The following WDR70 variants were observed in gnomAD, a reference collection of about 807,000 sequenced individuals.
The protein encoded by WDR70 is WD repeat-containing protein 70.
In WDR70, 53 loss-of-function variants were observed where a neutral mutation model predicts 88.6. The observed-to-expected ratio is 0.60, with a 90% CI of 0.48 to 0.75. WDR70 has a LOEUF of 0.75. Among genes scored for constraint, WDR70 ranks in the 30% least tolerant of loss-of-function variants. The pLI is 0.00. For synonymous variants in WDR70, 280 were observed against 270.0 expected (o/e 1.04, Z -0.36); for missense variants, 610 against 823.2 (o/e 0.74, Z 3.17).
chr5:37,546,815 G>A (rs984106897), intron 9 of WDR70, among the ~76,000 whole-genome samples: 76 of 152,208 alleles, frequency 5.0e-4, no homozygotes, highest in African/African-American at 1.8e-3. Context: ...TTCCTCAGGA[G>A]GCTGAGGCAG....
intron 10 of WDR70, among the ~76,000 whole-genome samples, chr5:37,687,131 A>G (rs1746633740): frequency 6.6e-6 from 1 of 152,116 alleles, no homozygotes; most frequent in Non-Finnish European, 1.5e-5. Flanking sequence ...TTAGGTTGAC[A>G]TTGTTTTCAA....
intron 9 of WDR70, among the ~76,000 whole-genome samples, chr5:37,546,868 G>A (rs2015590): frequency 2.6e-5 from 4 of 151,356 alleles, no homozygotes; most frequent in African/African-American, 7.3e-5. Flanking sequence ...AGTGAGCTGA[G>A]ACCATGCCAC....
intron 10 of WDR70, among the ~76,000 whole-genome samples, chr5:37,606,308 C>G (rs1262101120): frequency 6.6e-6 from 1 of 152,114 alleles, no homozygotes; most frequent in African/African-American, 2.4e-5. Context: ...TTCATCTCTA[C>G]TGTAAACCTC....
chr5:37,629,700 T>G (rs1295517941), intron 10 of WDR70, among the ~76,000 whole-genome samples: 1 of 152,224 alleles, frequency 6.6e-6, no homozygotes, highest in Non-Finnish European at 1.5e-5. Context: ...TTTGTTGAAT[T>G]GTTTATCTGT....
At chr5:37,382,651 C>A (rs1748466813) in intron 3 of WDR70, among the ~76,000 whole-genome samples, 1 of 152,032 alleles carries the variant, frequency 6.6e-6, no homozygotes, top group Non-Finnish European at 1.5e-5. Context: ...ATCTTGTGAT[C>A]TGCCTGCCTC....
At chr5:37,480,939 CT>C (rs1184464483) in intron 8 of WDR70, among the ~76,000 whole-genome samples, 2 of 152,196 alleles carry the variant, frequency 1.3e-5, no homozygotes, top group South Asian at 4.1e-4. Context: ...GGTAAATACA[CT>C]TTTTTCAAAT....
intron 17 of WDR70, among the ~76,000 whole-genome samples, chr5:37,733,686 C>CT (rs11401646): frequency 0.96 from 145,384 of 151,922 alleles, 69,927 homozygotes; most frequent in East Asian, 1. Flanking sequence ...GTCTCCATGA[C>CT]TTATTAAGTT....
At chr5:37,402,521 T>C (rs1368495200) in intron 5 of WDR70, among the ~76,000 whole-genome samples, 1 of 152,102 alleles carries the variant, frequency 6.6e-6, no homozygotes, top group Non-Finnish European at 1.5e-5. Context: ...TGATAAATAA[T>C]ATATATATTT....
At chr5:37,608,357 T>C (rs962582757) in intron 10 of WDR70, among the ~76,000 whole-genome samples, 4 of 151,916 alleles carry the variant, frequency 2.6e-5, no homozygotes, top group Non-Finnish European at 5.9e-5. Flanking sequence ...AGCACTCTTA[T>C]AGCTATTCAT....
rs76171202 is a variant in WDR70, at chr5:37,682,932, G to A, written c.1093-14723G>A. On this transcript the variant is annotated intron_variant, in intron 10 of 17. Coordinates refer to ENST00000265107, the MANE Select transcript of WDR70 (RefSeq NM_018034.4). ...TGGAGAGTTCTGTAGTACTGTCAGT[G>A]AGTTGTTGAAGTCTTCCATTACTAA... Among the ~76,000 whole-genome samples the A allele has an allele frequency of 3.2e-3, 492 of 152,188 alleles. 8 individuals carry two copies. The highest frequency in any genetic ancestry group is 0.011 in the African/African-American group (475 of 41,522).
intron 8 of WDR70, among the ~76,000 whole-genome samples, chr5:37,488,678 A>T (rs1164872066): frequency 6.6e-6 from 1 of 152,050 alleles, no homozygotes; most frequent in African/African-American, 2.4e-5. Flanking sequence ...GTGAATTCTC[A>T]TTCATATCCC....
intron 10 of WDR70, among the ~76,000 whole-genome samples, chr5:37,680,189 A>G (rs1746384566): frequency 6.6e-6 from 1 of 150,442 alleles, no homozygotes; most frequent in Non-Finnish European, 1.5e-5. Flanking sequence ...TATTGGCTGC[A>G]TGTATGTCTT....
chr5:37,660,895 G>T (rs77536998), intron 10 of WDR70, among the ~76,000 whole-genome samples: 1 of 151,906 alleles, frequency 6.6e-6, no homozygotes, highest in Non-Finnish European at 1.5e-5. Context: ...ATAAAAGAAG[G>T]CCAACAAATT....
At chr5:37,387,925 A>G (rs1390956857) in intron 3 of WDR70, among the ~76,000 whole-genome samples, 2 of 152,096 alleles carry the variant, frequency 1.3e-5, no homozygotes, top group Non-Finnish European at 2.9e-5. Context: ...GACCCTTTTA[A>G]TAGCAAGTTT....
chr5:37,493,649 G>T (rs954853055), intron 8 of WDR70, among the ~76,000 whole-genome samples: 1 of 152,088 alleles, frequency 6.6e-6, no homozygotes, highest in Non-Finnish European at 1.5e-5. Context: ...CAGCTGTTAG[G>T]TAATAAATCG....
intron 8 of WDR70, among the ~76,000 whole-genome samples, chr5:37,482,122 T>C (rs4610485): frequency 0.59 from 90,202 of 151,866 alleles, 28,256 homozygotes; most frequent in Non-Finnish European, 0.69. Flanking sequence ...TCAACAAGTC[T>C]CTAGGAAGTT....
intron 9 of WDR70, among the ~76,000 whole-genome samples, chr5:37,546,542 AT>A (rs1314055368): frequency 5.3e-5 from 8 of 152,194 alleles, no homozygotes; most frequent in Non-Finnish European, 7.3e-5. Context: ...TTTCTTTTTT[AT>A]CCTGAAATCA....
intron 10 of WDR70, chr5:37,687,769 G>A: frequency 2.4e-6 from 1 of 415,284 alleles, no homozygotes; most frequent in South Asian, 8.8e-5. Flanking sequence ...TTCAGAAACA[G>A]ATTACTTTTT....
intron 7 of WDR70, among the ~76,000 whole-genome samples, chr5:37,474,569 C>T (rs1739421884): frequency 6.6e-6 from 1 of 151,930 alleles, no homozygotes; most frequent in Non-Finnish European, 1.5e-5. Flanking sequence ...TTTTAATCTT[C>T]AGCTTTTATT....
Sources: allele counts gnomAD v4.1 joint callset (sites outside exome capture counted in the v4.1 genomes callset), GRCh38; gene constraint gnomAD v4.1.1; transcripts MANE v1.5; gene names NCBI Gene and HGNC (gene_info 2026-07-23, HGNC 2026-07-21).